The following MACO1 variants were observed in gnomAD, a reference collection of about 807,000 sequenced individuals.
MACO1 encodes macoilin 1.
A neutral mutation model predicts 78.7 loss-of-function variants in MACO1; 14 were observed. The ratio of observed to expected loss-of-function variants is 0.18; its 90% CI spans 0.12 to 0.28. The LOEUF is 0.28. MACO1 is among the 10% of genes least tolerant of loss of function. The pLI, the probability that MACO1 is intolerant of heterozygous loss-of-function variation, is 1.00. For missense variants in MACO1, 501 were observed against 799.0 expected (o/e 0.63, Z 4.50); for synonymous variants, 288 against 291.6 (o/e 0.99, Z 0.12).
chr1:25,489,394 T>C, intron 9 of MACO1, 101 bp downstream of exon 9: 1 of 1,302,732 alleles, frequency 7.7e-7, no homozygotes, highest in South Asian at 1.5e-5. Context: ...TTAATATAGA[T>C]CAAATCTCAT....
intron 1 of MACO1, among the ~76,000 whole-genome samples, chr1:25,443,441 C>T (rs970324696): frequency 3.9e-5 from 6 of 152,274 alleles, no homozygotes; most frequent in Non-Finnish European, 8.8e-5. Flanking sequence ...GTATGGCATA[C>T]GTTTGTAAAA....
intron 4 of MACO1, among the ~76,000 whole-genome samples, chr1:25,454,909 C>A (rs1228633163): frequency 2.0e-5 from 3 of 151,994 alleles, no homozygotes; most frequent in Non-Finnish European, 4.4e-5. Context: ...GACCATGAGC[C>A]CCCCCTTTTC....
intron 1 of MACO1, among the ~76,000 whole-genome samples, chr1:25,441,021 G>A (rs143520592): frequency 1.2e-3 from 184 of 152,238 alleles, no homozygotes; most frequent in Middle Eastern, 0.01. Flanking sequence ...CATGGTAATC[G>A]TTCAGGCAGA....
chr1:25,431,899 G>A (rs979026136), intron 1 of MACO1, among the ~76,000 whole-genome samples: 114 of 142,968 alleles, frequency 8.0e-4, no homozygotes, highest in African/African-American at 2.9e-3. Flanking sequence ...TTTAAAAAGG[G>A]ATTTTCTCCA....
At chr1:25,446,151 T>G (rs2043013756) in intron 1 of MACO1, among the ~76,000 whole-genome samples, 1 of 152,204 alleles carries the variant, frequency 6.6e-6, no homozygotes, top group Admixed American at 6.5e-5. Context: ...TGTACATTTT[T>G]ATGCCTTCAC....
intron 1 of MACO1, among the ~76,000 whole-genome samples, chr1:25,433,572 TC>T (rs578062063): frequency 9.7e-4 from 147 of 152,328 alleles, no homozygotes; most frequent in Admixed American, 2.9e-3. Context: ...GCCAAACCTT[TC>T]ATGGACTTAC....
intron 10 of MACO1, among the ~76,000 whole-genome samples, chr1:25,498,007 C>T (rs116137570): frequency 0.043 from 6,624 of 152,302 alleles, 217 homozygotes; most frequent in Non-Finnish European, 0.065. Flanking sequence ...CCTGTACTGC[C>T]TGCCGATGAA....
At chr1:25,479,602 T>G (rs944202530) in intron 6 of MACO1, among the ~76,000 whole-genome samples, 1 of 152,084 alleles carries the variant, frequency 6.6e-6, no homozygotes, top group African/African-American at 2.4e-5. Flanking sequence ...AGAGACAAGG[T>G]TTCACCATGT....
At chr1:25,463,693 T>C (rs1255600088) in intron 6 of MACO1, among the ~76,000 whole-genome samples, 1 of 152,226 alleles carries the variant, frequency 6.6e-6, no homozygotes, top group Non-Finnish European at 1.5e-5. Flanking sequence ...AAAAATATTT[T>C]AAGTGTGAAA....
chr1:25,474,746 C>T (rs1319033297), intron 6 of MACO1, among the ~76,000 whole-genome samples: 1 of 152,234 alleles, frequency 6.6e-6, no homozygotes, highest in African/African-American at 2.4e-5. Flanking sequence ...TATTTTTCTA[C>T]TGTGTTCTCA....
chr1:25,442,081 A>G (rs1221376674), intron 1 of MACO1, among the ~76,000 whole-genome samples: 1 of 152,224 alleles, frequency 6.6e-6, no homozygotes, highest in African/African-American at 2.4e-5. Flanking sequence ...GCAGGCTTAG[A>G]TTAAATAGGT....
chr1:25,459,584 C>T (rs1275468263), intron 6 of MACO1, among the ~76,000 whole-genome samples: 11 of 151,378 alleles, frequency 7.3e-5, no homozygotes, highest in African/African-American at 2.4e-4. Flanking sequence ...AAGTGATTCT[C>T]CTGCCTCAGC....
chr1:25,468,033 G>A (rs2043234418), intron 6 of MACO1, among the ~76,000 whole-genome samples: 1 of 152,038 alleles, frequency 6.6e-6, no homozygotes, highest in Non-Finnish European at 1.5e-5. Context: ...ATTGGCCCAA[G>A]GATTGGCACT....
chr1:25,498,790 G>C lies in MACO1; in HGVS notation c.*324G>C, dbSNP rs769389508. On this transcript the variant is annotated 3_prime_UTR_variant, in exon 11 of 11. Transcript: ENST00000374343. ...TTTCCTCTTGAAGAAAAAAAAAGCA[G>C]AGTTTTTGTTTTTCAACCCTTTATG... is the stretch of plus-strand genomic sequence containing the variant. 8.1e-6 allele frequency: 2 copies of C among 245,548 alleles called. No homozygotes were observed. The highest frequency in any genetic ancestry group is 1.5e-5 in the Non-Finnish European group (2 of 130,298). The allele number at this position is 245,548 out of a possible 1,614,324, so 15.2% of individuals were successfully genotyped here.
chr1:25,446,653 A>T (rs1464462333), intron 1 of MACO1, 109 bp from the exon 2 acceptor site: 4 of 1,076,088 alleles, frequency 3.7e-6, no homozygotes, highest in Non-Finnish European at 5.1e-6. Flanking sequence ...CATTGTTTTC[A>T]TGATATATGG....
intron 1 of MACO1, among the ~76,000 whole-genome samples, chr1:25,441,932 A>T (rs1310362527): frequency 2.0e-5 from 3 of 152,236 alleles, no homozygotes; most frequent in African/African-American, 4.8e-5. Context: ...AGTACGGATT[A>T]TCTGATTAGG....
rs1418555639 is a variant in MACO1 at position 25,461,239 on chromosome 1, A to G, written c.1154+2347A>G. Reference sequence around the variant, plus strand: ...GGTGGGGGGAGGGGGGAGGGATAGCATTAGGAGATACACCTAATACTACAT... The same window carrying G: ...GGTGGGGGGAGGGGGGAGGGATAGCGTTAGGAGATACACCTAATACTACAT... On this transcript the variant is annotated intron_variant, in intron 6 of 10. Transcript: ENST00000374343. Among the ~76,000 whole-genome samples the G allele has an allele frequency of 4.6e-5, 7 of 151,490 alleles. 1 individual carries two copies. The South Asian group carries it at 1.0e-3, about 23-fold the overall frequency.
At chr1:25,479,954 C>T (rs962213562) in intron 6 of MACO1, among the ~76,000 whole-genome samples, 2 of 152,060 alleles carry the variant, frequency 1.3e-5, no homozygotes, top group Non-Finnish European at 2.9e-5. Flanking sequence ...AAAAAACATA[C>T]AGAAAAGAGG....
rs532146195 is a variant in MACO1, at chr1:25,499,438, AG to A, written c.*974del. On this transcript the variant is annotated 3_prime_UTR_variant, in exon 11 of 11. Coordinates refer to ENST00000374343, the MANE Select transcript of MACO1 (RefSeq NM_018202.6). Reference sequence around the variant, plus strand: ...GATGGCTAATAAAAGCTGCGGGTCTAGGTTTTTTTTTTTTTGTTTTGTTTTT... The same window carrying A: ...GATGGCTAATAAAAGCTGCGGGTCTAGTTTTTTTTTTTTTGTTTTGTTTTT... 9.5e-5 allele frequency: 14 copies of A among 147,092 alleles called. No individual in the cohort carries two copies. The South Asian group carries it at 1.5e-3, about 16-fold the overall frequency. The allele number at this position is 147,092 out of a possible 1,614,324, so 9.1% of individuals were successfully genotyped here. A position where few individuals can be genotyped will look rare whatever the true frequency, so the allele number is the denominator to read the frequency against.
Sources: allele counts gnomAD v4.1 joint callset (sites outside exome capture counted in the v4.1 genomes callset), GRCh38; gene constraint gnomAD v4.1.1; transcripts MANE v1.5; gene names NCBI Gene and HGNC (gene_info 2026-07-23, HGNC 2026-07-21).